The following CDK13 variants were observed in gnomAD, a reference collection of about 807,000 sequenced individuals.
CDK13 encodes cyclin dependent kinase 13.
A neutral mutation model predicts 137.6 loss-of-function variants in CDK13; 40 were observed. The ratio of observed to expected loss-of-function variants is 0.29; its 90% confidence interval spans 0.23 to 0.38. The LOEUF (loss-of-function observed/expected upper bound fraction) is 0.38. CDK13 is among the 10% of genes least tolerant of loss of function. CDK13 has a pLI of 1.00. For missense variants in CDK13, 1,704 were observed against 1,951.8 expected, an observed-to-expected ratio of 0.87 and a Z score of 2.39; for synonymous variants, 869 against 760.1, an observed-to-expected ratio of 1.14 and a Z score of -2.36.
Position 40,085,076 on chromosome 7 carries a change from G to A in CDK13, c.3030-3050G>A, listed in dbSNP as rs148097471. Among the ~76,000 whole-genome samples, 580 of 152,138 alleles carry A rather than the reference G, an allele frequency of 3.8e-3. 1 individual carries two copies. Among genetic ancestry groups the A allele is most frequent in the African/African-American group, 0.012 (515 of 41,506 alleles). On this transcript the variant is annotated intron_variant, in intron 11 of 13. Coordinates refer to ENST00000181839, the MANE Select transcript of CDK13 (RefSeq NM_003718.5). ...TCCATAAAGAATCTCTTACTTTTAA[G>A]GGGGCCAGGTACGGTAGCTCATGCC... is the stretch of plus-strand genomic sequence containing the variant.
intron 1 of CDK13, among the ~76,000 whole-genome samples, chr7:39,957,564 CT>C (rs1787455400): frequency 6.6e-6 from 1 of 152,154 alleles, no homozygotes; most frequent in African/African-American, 2.4e-5. Context: ...CTCTCATACT[CT>C]AGGATAGGGC....
chr7:39,999,867 C>A (rs1202158774), intron 4 of CDK13, among the ~76,000 whole-genome samples: 2 of 135,610 alleles, frequency 1.5e-5, no homozygotes, highest in African/African-American at 3.0e-5. Context: ...CCTTACACAA[C>A]ACTTTCATTT....
At chr7:39,969,520 A>G (rs897686724) in intron 1 of CDK13, among the ~76,000 whole-genome samples, 1 of 152,190 alleles carries the variant, frequency 6.6e-6, no homozygotes, top group African/African-American at 2.4e-5. Context: ...TTTCTCTTGA[A>G]TAAGTTAGGA....
intron 7 of CDK13, among the ~76,000 whole-genome samples, chr7:40,051,015 G>T (rs1249829891): frequency 6.6e-6 from 1 of 152,024 alleles, no homozygotes; most frequent in Non-Finnish European, 1.5e-5. Flanking sequence ...ATATAATTTG[G>T]GTTCCATTGG....
chr7:40,023,769 G>C (rs1785180573), intron 5 of CDK13, among the ~76,000 whole-genome samples: 1 of 152,200 alleles, frequency 6.6e-6, no homozygotes, highest in Admixed American at 6.5e-5. Flanking sequence ...ACAGGCGTGA[G>C]CCACCACGCC....
intron 5 of CDK13, among the ~76,000 whole-genome samples, chr7:40,009,771 A>G (rs73390796): frequency 1.4e-3 from 216 of 152,312 alleles, no homozygotes; most frequent in African/African-American, 4.8e-3. Context: ...AGTAGAAGGG[A>G]ACTGCCTCAA....
chr7:40,073,964 C>T (rs1786482630), intron 9 of CDK13, among the ~76,000 whole-genome samples: 1 of 148,472 alleles, frequency 6.7e-6, no homozygotes, highest in African/African-American at 2.5e-5. Context: ...GTGCAGTGGC[C>T]TGATCTCAGC....
intron 1 of CDK13, among the ~76,000 whole-genome samples, chr7:39,961,634 C>CA: frequency 6.8e-6 from 1 of 147,308 alleles, no homozygotes; most frequent in East Asian, 2.0e-4. Flanking sequence ...TAATTTACTT[C>CA]TTTTTTTTTT....
At chr7:39,979,931 G>C (rs1784189386) in intron 1 of CDK13, among the ~76,000 whole-genome samples, 1 of 152,176 alleles carries the variant, frequency 6.6e-6, no homozygotes. Flanking sequence ...TAGACAGCCT[G>C]TGGAAGCTGG....
chr7:39,976,148 G>A (rs1784099367), intron 1 of CDK13, among the ~76,000 whole-genome samples: 2 of 151,992 alleles, frequency 1.3e-5, no homozygotes, highest in South Asian at 4.2e-4. Context: ...ACAAAATTTA[G>A]CTGGGTGTAG....
chr7:40,021,893 C>G (rs1785134549), intron 5 of CDK13, among the ~76,000 whole-genome samples: 1 of 152,144 alleles, frequency 6.6e-6, no homozygotes, highest in Admixed American at 6.5e-5. Context: ...TGTAGAGAAT[C>G]TCATTATTTA....
intron 5 of CDK13, among the ~76,000 whole-genome samples, chr7:40,018,906 A>G (rs189658945): frequency 6.6e-6 from 1 of 152,326 alleles, no homozygotes; most frequent in Admixed American, 6.5e-5. Context: ...ATTTTAAAGT[A>G]ATCAGGACTA....
chr7:40,071,204 CTTCT>C (rs747337994), intron 9 of CDK13: 35 of 152,108 alleles, frequency 2.3e-4, no homozygotes, highest in Non-Finnish European at 4.1e-4. Flanking sequence ...GGTTTCATAA[CTTCT>C]TTATGCTCAA....
intron 7 of CDK13, among the ~76,000 whole-genome samples, chr7:40,057,791 G>T (rs774959934): frequency 3.9e-5 from 6 of 152,146 alleles, no homozygotes; most frequent in Non-Finnish European, 7.4e-5. Context: ...AATTGGTTTT[G>T]TTTCTCTATA....
chr7:40,041,906 T>G (rs1345414158), intron 5 of CDK13, among the ~76,000 whole-genome samples: 1 of 152,228 alleles, frequency 6.6e-6, no homozygotes, highest in Non-Finnish European at 1.5e-5. Context: ...CTTTGCAGTC[T>G]TGCCACGTGA....
chr7:40,058,156 A>C (rs1786062076), intron 7 of CDK13, among the ~76,000 whole-genome samples: 1 of 152,194 alleles, frequency 6.6e-6, no homozygotes, highest in African/African-American at 2.4e-5. Context: ...ACCTGGGCCA[A>C]GAACATTCCA....
intron 5 of CDK13, among the ~76,000 whole-genome samples, chr7:40,035,272 A>T (rs1162500105): frequency 1.3e-5 from 2 of 152,186 alleles, no homozygotes; most frequent in African/African-American, 4.8e-5. Flanking sequence ...GACCTACTCA[A>T]TTGATTGCAT....
chr7:40,071,481 T>C (rs548164350), intron 9 of CDK13: 1 of 152,170 alleles, frequency 6.6e-6, no homozygotes, highest in Admixed American at 6.5e-5. Flanking sequence ...CCACAAAAAT[T>C]AGATGATTGC....
Position 39,951,592 on chromosome 7 carries a change from C to T in CDK13, c.951C>T (p.Ser317=), listed in dbSNP as rs1787208748. The T allele has an allele frequency of 6.7e-7, 1 of 1,495,534 alleles. No homozygotes were observed. The highest frequency in any genetic ancestry group is 1.3e-5 in the South Asian group (1 of 77,428). The allele number at this position is 1,495,534 out of a possible 1,614,324, so 92.6% of individuals were successfully genotyped here. A position where few individuals can be genotyped will look rare whatever the true frequency, so the allele number is the denominator to read the frequency against. The change falls in exon 1 of 14, where the codon AGC becomes AGT. Residue 317 remains serine (S), a synonymous_variant. Transcript: ENST00000181839. ...CCTACAGGCGGCGGCGGTCCCTCAGCCCACTGGGAGGCCGGGACGACAGCC... is the reference window on the plus strand; with the variant it reads ...CCTACAGGCGGCGGCGGTCCCTCAGTCCACTGGGAGGCCGGGACGACAGCC... ...PKAYRRRRSL[S]PLGGRDDSPV...
Sources: gnomAD v4.1 joint callset for allele counts (sites outside exome capture counted in the v4.1 genomes callset) on GRCh38, gnomAD v4.1.1 for gene constraint, MANE v1.5 for transcripts, NCBI Gene and HGNC (gene_info 2026-07-23, HGNC 2026-07-21) for gene names.